The following NTM variants were observed in gnomAD, a reference collection of about 807,000 sequenced individuals.
NTM encodes neurotrimin.
Under a neutral mutation model 42.1 loss-of-function variants are expected in NTM, and 13 were observed. The observed-to-expected ratio is 0.31, with a 90% CI of 0.20 to 0.49. The LOEUF (loss-of-function observed/expected upper bound fraction) is 0.49. Among genes scored for constraint, NTM ranks in the 20% least tolerant of loss-of-function variants. The pLI, the probability that NTM is intolerant of heterozygous loss-of-function variation, is 0.99. For synonymous variants in NTM, 187 were observed against 179.2 expected (o/e 1.04, Z -0.35); for missense variants, 373 against 452.8 (o/e 0.82, Z 1.60).
At chr11:132,149,250 A>G (rs1023126388) in intron 3 of NTM, among the ~76,000 whole-genome samples, 2 of 149,128 alleles carry the variant, frequency 1.3e-5, no homozygotes, top group Admixed American at 6.7e-5. Context: ...AAAAAAAGGG[A>G]AAGAAATATA....
intron 7 of NTM, among the ~76,000 whole-genome samples, chr11:132,319,318 G>A (rs550759844): frequency 5.3e-5 from 8 of 152,334 alleles, no homozygotes; most frequent in Admixed American, 2.6e-4. Context: ...AGCATGGCAA[G>A]GCATCGCCTT....
chr11:132,140,689 T>G (rs1406839454), intron 2 of NTM, among the ~76,000 whole-genome samples: 1 of 152,170 alleles, frequency 6.6e-6, no homozygotes, highest in Non-Finnish European at 1.5e-5. Flanking sequence ...GTATCCTGTT[T>G]TGTTAATTTC....
intron 1 of NTM, among the ~76,000 whole-genome samples, chr11:131,685,780 T>G (rs2073793917): frequency 6.6e-6 from 1 of 152,214 alleles, no homozygotes; most frequent in Non-Finnish European, 1.5e-5. Flanking sequence ...AAAATAGAAG[T>G]TCCACACGAG....
chr11:132,064,462 C>G lies in NTM; in HGVS notation c.168-81820C>G, dbSNP rs367785956. On this transcript the variant is annotated intron_variant, in intron 2 of 8. Transcript: ENST00000683400. ...ATGGAATATATGTCAAACCCAATCT[C>G]TCATTATCCAAAAGGTACAAGAGTG... 1.4e-4 allele frequency among the ~76,000 whole-genome samples: 22 copies of G among 152,280 alleles called. No individual in the cohort carries two copies. In the East Asian group the frequency reaches 3.3e-3, roughly 23 times the overall value.
intron 1 of NTM, among the ~76,000 whole-genome samples, chr11:131,405,576 C>A (rs1421928269): frequency 6.6e-6 from 1 of 152,168 alleles, no homozygotes; most frequent in Non-Finnish European, 1.5e-5. Flanking sequence ...ATGAAAGGCA[C>A]CTTGCCTGAA....
chr11:131,381,867 G>T (rs2135525844), intron 1 of NTM, among the ~76,000 whole-genome samples: 1 of 152,288 alleles, frequency 6.6e-6, no homozygotes, highest in Non-Finnish European at 1.5e-5. Flanking sequence ...GCACAGGTCA[G>T]AATAGGGCAA....
chr11:132,282,976 C>CTTTTTTTTTT (rs142817071), intron 4 of NTM, among the ~76,000 whole-genome samples: 1,647 of 108,726 alleles, frequency 0.015, 88 homozygotes, highest in Non-Finnish European at 0.022. Flanking sequence ...TCCTTTATTC[C>CTTTTTTTTTT]TTTTTTTTTT....
At chr11:131,489,391 G>A (rs1263020023) in intron 1 of NTM, among the ~76,000 whole-genome samples, 2 of 152,050 alleles carry the variant, frequency 1.3e-5, no homozygotes, top group Admixed American at 6.5e-5. Context: ...AAAATATTAT[G>A]TGCCATTCAT....
Position 131,849,066 on chromosome 11 carries a change from T to G in NTM, c.83-62498T>G, listed in dbSNP as rs182273735. On this transcript the variant is annotated intron_variant, in intron 1 of 8. Transcript: ENST00000683400. ...AATAATGACGTGAGGCTAAATGAAC[T>G]CATTACCGTTAGGATTTTTAAGCTT... Among the ~76,000 whole-genome samples the G allele has an allele frequency of 1.5e-3, 232 of 152,312 alleles. 1 individual carries two copies. Among genetic ancestry groups the G allele is most frequent in the Non-Finnish European group, 2.4e-3 (161 of 68,022 alleles).
At chr11:132,037,595 T>G (rs1017289338) in intron 2 of NTM, among the ~76,000 whole-genome samples, 3 of 152,048 alleles carry the variant, frequency 2.0e-5, no homozygotes, top group Non-Finnish European at 4.4e-5. Context: ...ACAGAGGTCA[T>G]GGGATGAGGA....
At chr11:131,987,399 C>CTATTT (rs2066247701) in intron 2 of NTM, among the ~76,000 whole-genome samples, 1 of 151,262 alleles carries the variant, frequency 6.6e-6, no homozygotes, top group East Asian at 1.9e-4. Flanking sequence ...CTATTCTATT[C>CTATTT]TATTCTATTC....
rs868305413 is a variant in NTM, at chr11:132,070,958, C to T, written c.168-75324C>T. The stretch of plus-strand genomic sequence containing the variant: ...AGCCAAGTTAACACGTCAAACTGAC[C>T]GTCACAGGTTAGTTAACACGTCACA... On this transcript the variant is annotated intron_variant, in intron 2 of 8. Coordinates refer to ENST00000683400, the MANE Select transcript of NTM (RefSeq NM_001352005.2). Among the ~76,000 whole-genome samples the T allele has an allele frequency of 4.8e-3, 635 of 131,890 alleles. 19 individuals are homozygous for T. The highest frequency in any genetic ancestry group is 0.013 in the Middle Eastern group (3 of 232). 86.5% of individuals were successfully genotyped at this position (131,890 alleles called of 152,430 possible). A position where few individuals can be genotyped will look rare whatever the true frequency, so the allele number is the denominator to read the frequency against.
chr11:132,326,321 C>G (rs1451201870), intron 7 of NTM, among the ~76,000 whole-genome samples: 2 of 152,022 alleles, frequency 1.3e-5, no homozygotes, highest in Non-Finnish European at 2.9e-5. Context: ...GAAATTGGAG[C>G]TTTTGAAACT....
intron 2 of NTM, among the ~76,000 whole-genome samples, chr11:132,031,260 CT>C (rs2075880961): frequency 6.6e-6 from 1 of 152,188 alleles, no homozygotes; most frequent in Admixed American, 6.5e-5. Flanking sequence ...AACTTTTACT[CT>C]TTTTGTAAAG....
chr11:132,165,104 G>C (rs1357306313), intron 3 of NTM, among the ~76,000 whole-genome samples: 1 of 152,130 alleles, frequency 6.6e-6, no homozygotes, highest in Non-Finnish European at 1.5e-5. Context: ...ACCCATGATA[G>C]TGATATCTTT....
intron 2 of NTM, among the ~76,000 whole-genome samples, chr11:131,919,663 A>G (rs1162827525): frequency 6.6e-6 from 1 of 152,196 alleles, no homozygotes; most frequent in African/African-American, 2.4e-5. Context: ...TACCCATCTC[A>G]CAGTGTTGTT....
chr11:132,128,758 A>AT (rs1411843388), intron 2 of NTM, among the ~76,000 whole-genome samples: 1 of 151,594 alleles, frequency 6.6e-6, no homozygotes, highest in Middle Eastern at 3.4e-3. Context: ...ACTAAAAAAA[A>AT]AATAATAAAA....
chr11:131,496,091 C>T (rs910201982), intron 1 of NTM, among the ~76,000 whole-genome samples: 7 of 152,186 alleles, frequency 4.6e-5, no homozygotes, highest in Non-Finnish European at 1.0e-4. Context: ...TGATGAAGAG[C>T]TCAGAAGGAA....
At chr11:131,984,004 C>T (rs777375552) in intron 2 of NTM, among the ~76,000 whole-genome samples, 17 of 152,178 alleles carry the variant, frequency 1.1e-4, no homozygotes, top group Admixed American at 5.2e-4. Flanking sequence ...GATCTACCTG[C>T]CTGTAGAGCC....
Sources: gnomAD v4.1 joint callset for allele counts (sites outside exome capture counted in the v4.1 genomes callset) on GRCh38, gnomAD v4.1.1 for gene constraint, MANE v1.5 for transcripts, NCBI Gene and HGNC (gene_info 2026-07-23, HGNC 2026-07-21) for gene names.